Variants in DOP1A observed in about 807,000 individuals in gnomAD.
The protein encoded by DOP1A is protein DOP1A.
DOP1A carries 90 observed loss-of-function variants against 267.6 expected under a neutral mutation model. That is an observed-to-expected ratio of 0.34 (90% confidence interval 0.28 to 0.40). DOP1A has a LOEUF of 0.40. Ranked by LOEUF, DOP1A falls within the 10% of genes least tolerant of loss-of-function variation. The probability of loss-of-function intolerance (pLI) is 1.00; values close to 1 mark genes in which losing one functional copy is unlikely to be tolerated. For missense variants in DOP1A, 2,437 were observed against 2,900.4 expected, an observed-to-expected ratio of 0.84 and a Z score of 3.67; for synonymous variants, 932 against 999.1, an observed-to-expected ratio of 0.93 and a Z score of 1.27.
rs547276519 is a variant in DOP1A at position 83,147,892 on chromosome 6, G to C, written c.5732+601G>C. ...TTAAGGTCAGACTGAAACAAAGATA[G>C]TCTTCATTATTTTTACAGGTTAAAG... On this transcript the variant is annotated intron_variant, in intron 26 of 38. Transcript: ENST00000349129. 1.2e-4 allele frequency among the ~76,000 whole-genome samples: 19 copies of C among 152,260 alleles called. No homozygotes were observed. The South Asian group carries it at 3.9e-3, about 32-fold the overall frequency.
chr6:83,082,329 C>A (rs1455012351), intron 1 of DOP1A, among the ~76,000 whole-genome samples: 1 of 152,144 alleles, frequency 6.6e-6, no homozygotes, highest in African/African-American at 2.4e-5. Flanking sequence ...TGCTATTCAC[C>A]TATCAAAAAG....
At chr6:83,153,846 T>C (rs1782214940) in intron 31 of DOP1A, 48 bp from the exon 32 acceptor site, 1 of 1,546,622 alleles carries the variant, frequency 6.5e-7, no homozygotes, top group Non-Finnish European at 8.7e-7. Context: ...CTTGATAGGA[T>C]GATTAAAGTT....
Position 83,154,226 on chromosome 6 carries a change from T to G in DOP1A, c.6436T>G (p.Phe2146Val). The change falls in exon 33 of 39, where the codon TTT (phenylalanine) becomes GTT (valine). Residue 2146 changes from phenylalanine (F) to valine (V), a missense_variant. Phe to Val is a conservative substitution (Grantham distance 50, BLOSUM62 -1). This residue lies in a region of DOP1A where 75 missense variants were observed against 149.6 expected (regional missense o/e 0.50). Coordinates refer to ENST00000349129, the MANE Select transcript of DOP1A (RefSeq NM_015018.4). ...DNLMTHDKTT[F>V]RDLMTRVAVA... ...TCTGATGACACATGATAAAACAACA[T>G]TTAGAGATTTGATGAGTGAGTATTA... 6.2e-7 allele frequency: 1 copy of G among 1,613,764 alleles called. No homozygotes were observed. The highest frequency in any genetic ancestry group is 8.5e-7 in the Non-Finnish European group (1 of 1,179,768).
intron 13 of DOP1A, 31 bp downstream of exon 13, chr6:83,124,850 GA>G: frequency 6.6e-7 from 1 of 1,524,436 alleles, no homozygotes; most frequent in Non-Finnish European, 9.1e-7. Flanking sequence ...AAATATCAAG[GA>G]AATCGAATAA....
In DOP1A at chr6:83,095,290, A is replaced by G. The variant is rs961747571; in HGVS notation, c.-146-1441A>G. On this transcript the variant is annotated intron_variant, in intron 1 of 38. Transcript: ENST00000349129. ...CCACAGGTCACAAAGATTTAATCCT[A>G]TATTTTTTTCTGAGGGTTTTATAGT... Among the ~76,000 whole-genome samples, 4 of 151,976 alleles carry G rather than the reference A, an allele frequency of 2.6e-5. No individual in the cohort carries two copies. In the South Asian group the frequency reaches 6.2e-4, roughly 24 times the overall value.
chr6:83,135,070 T>G (rs551300452), intron 19 of DOP1A, among the ~76,000 whole-genome samples: 1 of 152,278 alleles, frequency 6.6e-6, no homozygotes, highest in South Asian at 2.1e-4. Context: ...CAACCATCTT[T>G]CCTAATTTTA....
chr6:83,095,683 A>G (rs1771346633), intron 1 of DOP1A, among the ~76,000 whole-genome samples: 1 of 152,190 alleles, frequency 6.6e-6, no homozygotes. Flanking sequence ...CTATAACAAA[A>G]TCTTCTGTAG....
Position 83,151,671 on chromosome 6 carries a change from T to C in DOP1A, c.5904+12T>C. On this transcript the variant is annotated intron_variant, in intron 28 of 38. Coordinates refer to ENST00000349129, the MANE Select transcript of DOP1A (RefSeq NM_015018.4). ...AAAGAGACCTTCAGGTAAGGCAGTC[T>C]AAGAGCTGTTGCCAAAACTGTTTCT... is the stretch of plus-strand genomic sequence containing the variant. The C allele has an allele frequency of 6.3e-7, 1 of 1,591,586 alleles. No individual in the cohort carries two copies.
intron 1 of DOP1A, among the ~76,000 whole-genome samples, chr6:83,068,268 G>A (rs941883252): frequency 3.3e-5 from 5 of 152,310 alleles, no homozygotes. Flanking sequence ...CATGTTCTCC[G>A]TGGGGCTTAG....
intron 1 of DOP1A, among the ~76,000 whole-genome samples, chr6:83,092,904 C>T (rs1482658012): frequency 6.6e-6 from 1 of 152,006 alleles, no homozygotes; most frequent in Non-Finnish European, 1.5e-5. Flanking sequence ...GAATGTTATG[C>T]AATTTAAAAC....
intron 1 of DOP1A, among the ~76,000 whole-genome samples, chr6:83,081,072 C>G (rs913227024): frequency 9.9e-5 from 15 of 152,114 alleles, no homozygotes; most frequent in African/African-American, 3.6e-4. Flanking sequence ...ACTAATGGAA[C>G]AGAATAGAGA....
Position 83,119,793 on chromosome 6 carries a change from A to G in DOP1A, c.926A>G (p.His309Arg). Reference protein sequence around the residue: ...GAIIGPRSTRHSNPEEHATYY... With the variant: ...GAIIGPRSTRRSNPEEHATYY... Reference sequence around the variant, plus strand: ...ATCATAGGACCCAGAAGCACAAGACACAGTAATCCTGAAGAACATGCCACT... The same window carrying G: ...ATCATAGGACCCAGAAGCACAAGACGCAGTAATCCTGAAGAACATGCCACT... Residue 309 changes from histidine (H) to arginine (R), a missense_variant, in exon 9 of 39, where the codon CAC becomes CGC. By Grantham distance (29) the His-to-Arg change is conservative. Coordinates refer to ENST00000349129, the MANE Select transcript of DOP1A (RefSeq NM_015018.4). The G allele has an allele frequency of 6.2e-7, 1 of 1,613,178 alleles. No individual in the cohort carries two copies. The highest frequency in any genetic ancestry group is 1.1e-5 in the South Asian group (1 of 91,038).
chr6:83,086,915 T>G (rs1280209746), intron 1 of DOP1A, among the ~76,000 whole-genome samples: 1 of 151,958 alleles, frequency 6.6e-6, no homozygotes, highest in Non-Finnish European at 1.5e-5. Context: ...TAATTTTAGT[T>G]TTAGTTTTAG....
At chr6:83,082,119 CAAAAAATGA>C (rs554479163) in intron 1 of DOP1A, among the ~76,000 whole-genome samples, 1,633 of 151,610 alleles carry the variant, frequency 0.011, 38 homozygotes, top group African/African-American at 0.036. Context: ...GGAGGGGCCT[CAAAAAATGA>C]AAAAAATAGA....
In DOP1A at chr6:83,125,529, C is replaced by G. The variant is rs1311868193; in HGVS notation, c.1515C>G (p.His505Gln). The change falls in exon 15 of 39, where the codon CAC becomes CAG. Residue 505 changes from histidine to glutamine, a missense_variant. Physicochemically the swap from His to Gln is conservative, Grantham distance 24. Transcript: ENST00000349129. ...CTTACATTGAAATCCAGACAGAACACTTGCCCCAGTTGCTGCTCAGAATGA... is the reference window on the plus strand; with the variant it reads ...CTTACATTGAAATCCAGACAGAACAGTTGCCCCAGTTGCTGCTCAGAATGA... The part of the protein sequence containing the change: ...QETYIEIQTE[H>Q]LPQLLLRMIS... The G allele has an allele frequency of 1.2e-6, 2 of 1,613,734 alleles. No individual in the cohort carries two copies. The highest frequency in any genetic ancestry group is 1.1e-5 in the South Asian group (1 of 91,054).
At chr6:83,157,341 A>C (rs752899629) in intron 35 of DOP1A, 23 bp downstream of exon 35, 9 of 1,608,414 alleles carry the variant, frequency 5.6e-6, no homozygotes, top group Non-Finnish European at 6.8e-6. Context: ...TAATTCAGTC[A>C]GGTTATAAAT....
chr6:83,098,668 G>A (rs1236330329), intron 3 of DOP1A, among the ~76,000 whole-genome samples: 4 of 152,164 alleles, frequency 2.6e-5, no homozygotes, highest in Admixed American at 2.0e-4. Flanking sequence ...GTGAAGGGAC[G>A]TAGAACTTTC....
chr6:83,162,057 A>G (rs1310559005), intron 37 of DOP1A, among the ~76,000 whole-genome samples: 1 of 152,184 alleles, frequency 6.6e-6, no homozygotes, highest in African/African-American at 2.4e-5. Context: ...CTACATGTAT[A>G]ATTAAAACAG....
At chr6:83,146,044 A>T (rs1056265128) in intron 25 of DOP1A, among the ~76,000 whole-genome samples, 2 of 152,102 alleles carry the variant, frequency 1.3e-5, no homozygotes, top group Admixed American at 6.5e-5. Flanking sequence ...TGAATCTCTT[A>T]ATTCTGTGAA....
Sources: allele counts gnomAD v4.1 joint callset (sites outside exome capture counted in the v4.1 genomes callset), GRCh38; gene constraint gnomAD v4.1.1; regional missense constraint gnomAD v4.1.1; transcripts MANE v1.5; gene names NCBI Gene and HGNC (gene_info 2026-07-23, HGNC 2026-07-21).